The following PDS5A variants were observed in gnomAD, a reference collection of about 807,000 sequenced individuals.
The protein encoded by PDS5A is sister chromatid cohesion protein PDS5 homolog A.
Under a neutral mutation model 167.1 loss-of-function variants are expected in PDS5A, and 42 were observed. The ratio of observed to expected loss-of-function variants is 0.25; its 90% confidence interval spans 0.20 to 0.33. PDS5A has a LOEUF of 0.33. PDS5A is among the 10% of genes least tolerant of loss of function. The pLI is 1.00. For missense variants in PDS5A, 1,033 were observed against 1,605.9 expected (o/e 0.64, Z 6.10); for synonymous variants, 553 against 554.6 (o/e 1.00, Z 0.04).
At chr4:39,866,723 C>A in intron 23 of PDS5A, 138 bp downstream of exon 23, 1 of 679,922 alleles carries the variant, frequency 1.5e-6, no homozygotes, top group Non-Finnish European at 2.3e-6. Flanking sequence ...ACAGACAAAC[C>A]CTAAATGAGT....
chr4:39,855,593 G>A (rs551141278), intron 26 of PDS5A, among the ~76,000 whole-genome samples: 1 of 152,196 alleles, frequency 6.6e-6, no homozygotes, highest in East Asian at 1.9e-4. Context: ...AAGAAATAAA[G>A]ATAATCATAT....
chr4:39,933,209 A>G (rs1363742640), intron 2 of PDS5A: 2 of 152,286 alleles, frequency 1.3e-5, no homozygotes, highest in African/African-American at 4.8e-5. Flanking sequence ...AATGACCCAG[A>G]TCAGTTTGCT....
intron 2 of PDS5A, among the ~76,000 whole-genome samples, chr4:39,965,820 T>C (rs1729920635): frequency 6.6e-6 from 1 of 151,964 alleles, no homozygotes; most frequent in Non-Finnish European, 1.5e-5. Flanking sequence ...ATGGGTAGAG[T>C]TCCAGTTGGG....
chr4:39,911,608 A>G (rs1328258329), intron 9 of PDS5A, among the ~76,000 whole-genome samples: 1 of 151,952 alleles, frequency 6.6e-6, no homozygotes, highest in African/African-American at 2.4e-5. Context: ...CGAGGCGGGC[A>G]AATCACGAGG....
At chr4:39,862,621 G>A (rs1004786898) in intron 25 of PDS5A, among the ~76,000 whole-genome samples, 3 of 152,026 alleles carry the variant, frequency 2.0e-5, no homozygotes, top group African/African-American at 7.2e-5. Flanking sequence ...TCTGACATCC[G>A]AGCAATATGT....
At chr4:39,904,759 G>A (rs1384848092) in intron 11 of PDS5A, among the ~76,000 whole-genome samples, 1 of 152,138 alleles carries the variant, frequency 6.6e-6, no homozygotes, top group Non-Finnish European at 1.5e-5. Flanking sequence ...AAATTTCTGG[G>A]CTAAAGTGAT....
intron 32 of PDS5A, among the ~76,000 whole-genome samples, chr4:39,833,756 GA>G (rs954532247): frequency 9.2e-5 from 14 of 151,998 alleles, no homozygotes; most frequent in African/African-American, 2.9e-4. Flanking sequence ...AATTTACGGG[GA>G]AAAAAATTCA....
chr4:39,902,310 C>A, intron 13 of PDS5A, 37 bp downstream of exon 13: 1 of 940,598 alleles, frequency 1.1e-6, no homozygotes. Flanking sequence ...TTACGAAATC[C>A]TTAGAAAATA....
intron 2 of PDS5A, among the ~76,000 whole-genome samples, chr4:39,965,131 T>G (rs757967702): frequency 8.5e-4 from 129 of 152,114 alleles, no homozygotes; most frequent in Non-Finnish European, 1.3e-3. Context: ...GTACTTTCTT[T>G]TAACCAATAG....
At chr4:39,905,139 A>C (rs1318082371) in intron 11 of PDS5A, among the ~76,000 whole-genome samples, 2 of 152,116 alleles carry the variant, frequency 1.3e-5, no homozygotes, top group Non-Finnish European at 2.9e-5. Flanking sequence ...AGTAAATCTA[A>C]AATTGTAGTG....
At chr4:39,930,105 C>T (rs575602375) in intron 2 of PDS5A, among the ~76,000 whole-genome samples, 1 of 149,096 alleles carries the variant, frequency 6.7e-6, no homozygotes, top group Admixed American at 6.8e-5. Context: ...ATCCCAGCTA[C>T]TCAGGAGGCT....
At chr4:39,906,295 G>A (rs1203045178) in intron 11 of PDS5A, among the ~76,000 whole-genome samples, 1 of 152,026 alleles carries the variant, frequency 6.6e-6, no homozygotes, top group African/African-American at 2.4e-5. Flanking sequence ...TTGAGCCTGG[G>A]AAGAGGAGGG....
chr4:39,973,450 T>C (rs1386280620), intron 2 of PDS5A: 2 of 1,355,556 alleles, frequency 1.5e-6, no homozygotes, highest in South Asian at 1.2e-5. Flanking sequence ...AGCCAGCAGA[T>C]ACCAGGGTGT....
intron 18 of PDS5A, among the ~76,000 whole-genome samples, chr4:39,878,446 A>C (rs779002302): frequency 1.7e-4 from 26 of 151,970 alleles, no homozygotes; most frequent in Non-Finnish European, 3.1e-4. Context: ...ATACAAAAAA[A>C]ATTAGCCAGG....
chr4:39,828,433 G>A (rs184495648), intron 32 of PDS5A, among the ~76,000 whole-genome samples: 1 of 152,230 alleles, frequency 6.6e-6, no homozygotes, highest in African/African-American at 2.4e-5. Context: ...AATCATTACT[G>A]ACCTAATGTT....
At chr4:39,862,138 TAAA>T (rs1359110114) in intron 26 of PDS5A, 78 bp downstream of exon 26, 7 of 506,200 alleles carry the variant, frequency 1.4e-5, no homozygotes, top group Non-Finnish European at 2.4e-5. Context: ...AAATAATAAA[TAAA>T]AATAATAAAC....
intron 32 of PDS5A, among the ~76,000 whole-genome samples, chr4:39,836,674 C>T (rs1055463246): frequency 2.1e-5 from 3 of 144,174 alleles, no homozygotes; most frequent in African/African-American, 2.6e-5. Context: ...ATGTTGGCCA[C>T]GTTGGTCTCA....
chr4:39,969,579 T>C (rs777477205), intron 2 of PDS5A, among the ~76,000 whole-genome samples: 3 of 151,990 alleles, frequency 2.0e-5, no homozygotes, highest in Non-Finnish European at 4.4e-5. Context: ...GGCAGGATAA[T>C]CACTTGAACC....
At position 39,976,439 on chromosome 4, in the gene PDS5A, C is replaced by A; in HGVS notation, c.138+1G>T. 3 of 1,611,648 alleles carry A rather than the reference C, an allele frequency of 1.9e-6. No individual in the cohort carries two copies. Among genetic ancestry groups the A allele is most frequent in the Non-Finnish European group, 2.5e-6 (3 of 1,178,048 alleles). ...ACATCAAAATCCGTCCAGACACTTACCTTCAGGCGTTTGATCATCTCGTCC... is the reference window on the plus strand; with the variant it reads ...ACATCAAAATCCGTCCAGACACTTAACTTCAGGCGTTTGATCATCTCGTCC... On this transcript the variant is annotated splice_donor_variant, in intron 2 of 32. Coordinates refer to ENST00000303538, the MANE Select transcript of PDS5A (RefSeq NM_001100399.2). LOFTEE classifies it high-confidence loss of function.
Sources: allele counts gnomAD v4.1 joint callset (sites outside exome capture counted in the v4.1 genomes callset), GRCh38; gene constraint gnomAD v4.1.1; transcripts MANE v1.5; gene names NCBI Gene and HGNC (gene_info 2026-07-23, HGNC 2026-07-21).